ESF1: variants seen among roughly 807,000 people sequenced by gnomAD.
ESF1 encodes the protein ESF1 homolog.
A neutral mutation model predicts 92.0 loss-of-function variants in ESF1; 58 were observed. The observed-to-expected ratio is 0.63, with a 90% confidence interval of 0.51 to 0.78. ESF1 has a LOEUF of 0.78. Ranked by LOEUF, ESF1 falls within the 30% of genes least tolerant of loss-of-function variation. The probability of loss-of-function intolerance (pLI) is 0.00; values close to 1 mark genes in which losing one functional copy is unlikely to be tolerated. For missense variants in ESF1, 922 were observed against 989.1 expected (o/e 0.93, Z 0.91); for synonymous variants, 321 against 313.7 (o/e 1.02, Z -0.24).
rs747537070 is a variant in ESF1 at position 13,776,257 on chromosome 20, T to C, written c.651A>G (p.Ile217Met). The C allele has an allele frequency of 6.2e-7, 1 of 1,612,046 alleles. No homozygotes were observed. The highest frequency in any genetic ancestry group is 1.1e-5 in the South Asian group (1 of 90,888). The stretch of plus-strand genomic sequence containing the variant: ...CATAACCATCACTGTCTCTTGTCAT[T>C]ATGAGTTGAACCACTGCAAAATGTT... Reference protein sequence around the residue: ...RREMQSVVQLIMTRDSDGYEN... With the variant: ...RREMQSVVQLMMTRDSDGYEN... The change falls in exon 3 of 14, where the codon ATA (isoleucine) becomes ATG (methionine). Residue 217 changes from isoleucine to methionine, a missense_variant. By Grantham distance (10) the Ile-to-Met change is conservative. Coordinates refer to ENST00000617257, the MANE Select transcript of ESF1 (RefSeq NM_001276380.2).
At chr20:13,731,644 C>T (rs1035188046) in intron 10 of ESF1, among the ~76,000 whole-genome samples, 3 of 152,032 alleles carry the variant, frequency 2.0e-5, no homozygotes, top group South Asian at 2.1e-4. Context: ...TCTTACCCCA[C>T]GTGGTGTTAC....
chr20:13,726,787 T>C (rs2049903314), intron 11 of ESF1, among the ~76,000 whole-genome samples: 1 of 152,162 alleles, frequency 6.6e-6, no homozygotes, highest in African/African-American at 2.4e-5. Flanking sequence ...TAGCTTTTTG[T>C]CCTAAATTTT....
intron 1 of ESF1, among the ~76,000 whole-genome samples, chr20:13,783,677 T>C (rs1348574661): frequency 6.6e-6 from 1 of 152,122 alleles, no homozygotes; most frequent in African/African-American, 2.4e-5. Context: ...GAGCCCGGCA[T>C]GGTGGCGCGC....
intron 10 of ESF1, 27 bp downstream of exon 10, chr20:13,733,694 A>C (rs746648679): frequency 2.5e-6 from 4 of 1,603,250 alleles, no homozygotes; most frequent in African/African-American, 1.3e-5. Context: ...TATTCAACAA[A>C]CATTTGGTCA....
intron 9 of ESF1, among the ~76,000 whole-genome samples, chr20:13,751,224 C>A (rs1048574328): frequency 1.3e-5 from 2 of 152,070 alleles, no homozygotes; most frequent in Non-Finnish European, 1.5e-5. Flanking sequence ...AGCTTACTAG[C>A]CAGACAGTTA....
intron 8 of ESF1, among the ~76,000 whole-genome samples, chr20:13,762,477 T>C (rs1054494804): frequency 6.6e-6 from 1 of 152,186 alleles, no homozygotes; most frequent in Non-Finnish European, 1.5e-5. Context: ...GGTTGAAATT[T>C]TAGTGGTAAG....
At chr20:13,729,514 G>A (rs34864842) in intron 10 of ESF1, among the ~76,000 whole-genome samples, 10,817 of 152,270 alleles carry the variant, frequency 0.071, 427 homozygotes, top group Non-Finnish European at 0.087. Context: ...AATACTTTTA[G>A]ATGGGTGATC....
chr20:13,733,041 T>A (rs2147732849), intron 10 of ESF1, among the ~76,000 whole-genome samples: 1 of 152,170 alleles, frequency 6.6e-6, no homozygotes, highest in South Asian at 2.1e-4. Flanking sequence ...TTCTCCTAAT[T>A]CAGCCTCCCA....
intron 9 of ESF1, among the ~76,000 whole-genome samples, chr20:13,750,212 T>C (rs912577267): frequency 2.6e-5 from 4 of 152,120 alleles, no homozygotes; most frequent in African/African-American, 9.7e-5. Context: ...GAAGTACTTA[T>C]GCCCTATCCA....
At chr20:13,728,870 A>G (rs570681314) in intron 10 of ESF1, among the ~76,000 whole-genome samples, 2 of 152,108 alleles carry the variant, frequency 1.3e-5, no homozygotes, top group South Asian at 2.1e-4. Flanking sequence ...CCATCTCAAA[A>G]AAAAAAATAA....
At chr20:13,722,535 T>G (rs1208851280) in intron 11 of ESF1, among the ~76,000 whole-genome samples, 1 of 152,160 alleles carries the variant, frequency 6.6e-6, no homozygotes, top group Non-Finnish European at 1.5e-5. Context: ...TATTTTTCAG[T>G]CAATCTTTTG....
At chr20:13,777,439 G>T (rs1057198451) in intron 2 of ESF1, among the ~76,000 whole-genome samples, 1 of 152,170 alleles carries the variant, frequency 6.6e-6, no homozygotes, top group Admixed American at 6.5e-5. Flanking sequence ...TGTTGAATAC[G>T]AAGTGCCACT....
At chr20:13,742,951 T>C (rs951399779) in intron 9 of ESF1, among the ~76,000 whole-genome samples, 2 of 152,234 alleles carry the variant, frequency 1.3e-5, no homozygotes, top group African/African-American at 4.8e-5. Context: ...TGGATACTTT[T>C]GATAAAATAT....
chr20:13,728,797 G>A (rs2049920744), intron 10 of ESF1, among the ~76,000 whole-genome samples: 1 of 151,518 alleles, frequency 6.6e-6, no homozygotes, highest in African/African-American at 2.4e-5. Context: ...AACCCAGGAG[G>A]AAGAGGTTGT....
In ESF1 at chr20:13,714,760, AAGATTTTAT is replaced by A. The variant is rs1445146405; in HGVS notation, c.*105_*113del. The A allele has an allele frequency of 2.0e-6, 2 of 1,015,678 alleles. No homozygotes were observed. Among genetic ancestry groups the A allele is most frequent in the Admixed American group, 6.2e-5 (2 of 32,210 alleles). 62.9% of individuals were successfully genotyped at this position (1,015,678 alleles called of 1,614,324 possible). On this transcript the variant is annotated 3_prime_UTR_variant, in exon 14 of 14. Coordinates refer to ENST00000617257, the MANE Select transcript of ESF1 (RefSeq NM_001276380.2). ...AGAAAAATTTTACTATGTCCAGAAA[AAGATTTTAT>A]TCATGTTCTTGAAAGATAGCTTTGT...
intron 2 of ESF1, among the ~76,000 whole-genome samples, chr20:13,780,630 C>G (rs545755447): frequency 7.0e-6 from 1 of 142,278 alleles, no homozygotes; most frequent in Non-Finnish European, 1.6e-5. Flanking sequence ...AACCTCTTGG[C>G]CTATCAAGAA....
At chr20:13,782,006 A>C (rs1483931690) in intron 2 of ESF1, among the ~76,000 whole-genome samples, 5 of 152,126 alleles carry the variant, frequency 3.3e-5, no homozygotes, top group African/African-American at 1.2e-4. Flanking sequence ...CCTCCCGAAT[A>C]GCTGGGACTA....
chr20:13,757,090 G>A (rs1978932240), intron 9 of ESF1, among the ~76,000 whole-genome samples: 1 of 152,010 alleles, frequency 6.6e-6, no homozygotes, highest in African/African-American at 2.4e-5. Flanking sequence ...TTAACCAGTG[G>A]TTGAATTAGG....
chr20:13,748,592 A>AT (rs58809594), intron 9 of ESF1, among the ~76,000 whole-genome samples: 990 of 95,686 alleles, frequency 0.01, 28 homozygotes, highest in African/African-American at 0.056. Context: ...ATATATATAT[A>AT]TTTTTTTTTT....
Sources: allele counts gnomAD v4.1 joint callset (sites outside exome capture counted in the v4.1 genomes callset), GRCh38; gene constraint gnomAD v4.1.1; transcripts MANE v1.5; gene names NCBI Gene and HGNC (gene_info 2026-07-23, HGNC 2026-07-21).